Variants in PLCXD3 observed in about 807,000 individuals in gnomAD.
PLCXD3 encodes the protein phosphatidylinositol specific phospholipase C X domain containing 3, also known as PI-PLC X domain-containing protein 3.
Under a neutral mutation model 25.5 loss-of-function variants are expected in PLCXD3, and 19 were observed. That is an observed-to-expected ratio of 0.75 (90% CI 0.52 to 1.09). PLCXD3 has a LOEUF of 1.09. Among genes scored for constraint, PLCXD3 ranks in the 50% least tolerant of loss-of-function variants. PLCXD3 has a pLI of 0.00. For synonymous variants in PLCXD3, 174 were observed against 137.6 expected (o/e 1.26, Z -1.85); for missense variants, 411 against 388.1 (o/e 1.06, Z -0.50).
intron 1 of PLCXD3, among the ~76,000 whole-genome samples, chr5:41,479,561 T>C (rs1477492908): frequency 2.0e-5 from 3 of 152,194 alleles, no homozygotes; most frequent in Admixed American, 6.5e-5. Context: ...AACATAGATG[T>C]ATAGTTTAGT....
intron 1 of PLCXD3, among the ~76,000 whole-genome samples, chr5:41,483,749 TA>T (rs1017033413): frequency 6.6e-6 from 1 of 152,134 alleles, no homozygotes; most frequent in African/African-American, 2.4e-5. Context: ...AACAAATGTT[TA>T]AAAAATATGA....
chr5:41,357,479 C>A (rs188729346), intron 2 of PLCXD3, among the ~76,000 whole-genome samples: 8 of 152,254 alleles, frequency 5.3e-5, no homozygotes, highest in Admixed American at 3.3e-4. Context: ...TCTATGATAT[C>A]TGACCTCCAA....
At chr5:41,493,942 A>G (rs552769632) in intron 1 of PLCXD3, among the ~76,000 whole-genome samples, 1 of 152,214 alleles carries the variant, frequency 6.6e-6, no homozygotes, top group South Asian at 2.1e-4. Context: ...CGCTGCACCC[A>G]CTGTCCTGCG....
Position 41,419,798 on chromosome 5 carries a change from C to A in PLCXD3, c.104-37264G>T, listed in dbSNP as rs139891796. ...TGTAAAATAGGGAAAAGACCATAGA[C>A]CAACCTCACTCAATAGGTTGTTGTG... On this transcript the variant is annotated intron_variant, in intron 1 of 2. Coordinates refer to ENST00000377801, the MANE Select transcript of PLCXD3 (RefSeq NM_001005473.3). 5.4e-4 allele frequency among the ~76,000 whole-genome samples: 82 copies of A among 152,246 alleles called. 1 individual carries two copies. Among genetic ancestry groups the A allele is most frequent in the South Asian group, 1.0e-3 (5 of 4,822 alleles).
intron 1 of PLCXD3, 150 bp from the exon 2 acceptor site, chr5:41,382,684 G>A: frequency 3.3e-6 from 2 of 602,384 alleles, no homozygotes; most frequent in Non-Finnish European, 5.6e-6. Context: ...TGCCTTAGGA[G>A]GGTCCTTTAT....
intron 2 of PLCXD3, among the ~76,000 whole-genome samples, chr5:41,368,713 C>A (rs1379534359): frequency 2.0e-5 from 3 of 152,112 alleles, no homozygotes; most frequent in Non-Finnish European, 2.9e-5. Context: ...TAGATTCCTT[C>A]AATACCTAAT....
intron 1 of PLCXD3, among the ~76,000 whole-genome samples, chr5:41,468,009 C>CTTTTTTTTTTTTTTTTTTT: frequency 1.9e-5 from 1 of 52,404 alleles, no homozygotes; most frequent in Non-Finnish European, 3.2e-5. Flanking sequence ...CAGCTTTATT[C>CTTTTTTTTTTTTTTTTTTT]TTTTTTTTTT....
chr5:41,406,962 T>C (rs1346567885), intron 1 of PLCXD3, among the ~76,000 whole-genome samples: 1 of 151,980 alleles, frequency 6.6e-6, no homozygotes, highest in Non-Finnish European at 1.5e-5. Flanking sequence ...TATTTGCTTT[T>C]ATAGCCCTCT....
intron 1 of PLCXD3, among the ~76,000 whole-genome samples, chr5:41,490,726 G>T (rs1267007477): frequency 6.6e-6 from 1 of 152,172 alleles, no homozygotes; most frequent in African/African-American, 2.4e-5. Flanking sequence ...TTGCATAGAG[G>T]TGATTGTAGT....
intron 1 of PLCXD3, among the ~76,000 whole-genome samples, chr5:41,504,118 GCT>G (rs1402182022): frequency 6.6e-6 from 1 of 151,916 alleles, no homozygotes; most frequent in Admixed American, 6.6e-5. Context: ...GGATTAATTG[GCT>G]CTGTTTACAT....
At chr5:41,361,121 G>A (rs986244419) in intron 2 of PLCXD3, among the ~76,000 whole-genome samples, 1 of 149,368 alleles carries the variant, frequency 6.7e-6, no homozygotes, top group African/African-American at 2.5e-5. Flanking sequence ...GGCCAATGAG[G>A]TTATGTTCCC....
intron 2 of PLCXD3, among the ~76,000 whole-genome samples, chr5:41,327,824 G>C (rs560672669): frequency 6.6e-6 from 1 of 151,784 alleles, no homozygotes; most frequent in South Asian, 2.1e-4. Context: ...TTCTTTTTTA[G>C]AGACAGTGTC....
At chr5:41,456,224 T>C (rs530071988) in intron 1 of PLCXD3, among the ~76,000 whole-genome samples, 1 of 152,064 alleles carries the variant, frequency 6.6e-6, no homozygotes, top group South Asian at 2.1e-4. Context: ...TAACGGAAGT[T>C]GTTTATTACC....
intron 1 of PLCXD3, among the ~76,000 whole-genome samples, chr5:41,440,138 T>C (rs911844127): frequency 1.3e-5 from 2 of 151,300 alleles, no homozygotes; most frequent in African/African-American, 2.4e-5. Flanking sequence ...CCACATGGGT[T>C]CAGATCTTAG....
chr5:41,340,816 C>T lies in PLCXD3; in HGVS notation c.813-27046G>A, dbSNP rs80207220. On this transcript the variant is annotated intron_variant, in intron 2 of 2. Coordinates refer to ENST00000377801, the MANE Select transcript of PLCXD3 (RefSeq NM_001005473.3). ...GCTAATTTTATTGGGAACTCATGTC[C>T]CACTGGAAGTCATTAAGTGGAAGTT... Among the ~76,000 whole-genome samples, 1,347 of 152,162 alleles carry T rather than the reference C, an allele frequency of 8.9e-3. 16 individuals carry two copies. The highest frequency in any genetic ancestry group is 0.03 in the African/African-American group (1,265 of 41,504).
At chr5:41,405,744 C>T (rs933989399) in intron 1 of PLCXD3, among the ~76,000 whole-genome samples, 7 of 152,098 alleles carry the variant, frequency 4.6e-5, no homozygotes, top group Non-Finnish European at 8.8e-5. Context: ...ACCAATTAGG[C>T]AATCATTGGT....
chr5:41,341,066 C>T (rs1744134971), intron 2 of PLCXD3, among the ~76,000 whole-genome samples: 1 of 152,098 alleles, frequency 6.6e-6, no homozygotes, highest in South Asian at 2.1e-4. Flanking sequence ...TGCTCTATTT[C>T]TAATGACAAA....
intron 1 of PLCXD3, among the ~76,000 whole-genome samples, chr5:41,481,224 T>C (rs6883272): frequency 0.042 from 6,448 of 152,168 alleles, 443 homozygotes; most frequent in African/African-American, 0.15. Flanking sequence ...TCTCCATTTG[T>C]ATATCTGTAA....
intron 1 of PLCXD3, among the ~76,000 whole-genome samples, chr5:41,419,262 C>T (rs1024896898): frequency 1.3e-5 from 2 of 152,102 alleles, no homozygotes; most frequent in African/African-American, 2.4e-5. Context: ...CACAAATCTT[C>T]CTCAAATCAA....
Sources: allele counts gnomAD v4.1 joint callset (sites outside exome capture counted in the v4.1 genomes callset), GRCh38; gene constraint gnomAD v4.1.1; transcripts MANE v1.5; gene names NCBI Gene and HGNC (gene_info 2026-07-23, HGNC 2026-07-21).